Variants in AKNA observed in about 807,000 individuals in gnomAD.
AKNA encodes AT-hook transcription factor, also known as microtubule organization protein AKNA.
A neutral mutation model predicts 138.8 loss-of-function variants in AKNA; 67 were observed. The ratio of observed to expected loss-of-function variants is 0.48; its 90% CI spans 0.40 to 0.59. The LOEUF (loss-of-function observed/expected upper bound fraction) is 0.59, where lower values mean the gene tolerates loss of function less well. Among genes scored for constraint, AKNA ranks in the 20% least tolerant of loss-of-function variants. The pLI is 0.00. For synonymous variants in AKNA, 737 were observed against 754.4 expected, an observed-to-expected ratio of 0.98 and a Z score of 0.38; for missense variants, 1,813 against 1,880.4, an observed-to-expected ratio of 0.96 and a Z score of 0.66.
chr9:114,337,012 T>TTGGGGGGGGGGGCGG lies in AKNA; in HGVS notation c.*41_*42insCCGCCCCCCCCCCCA. On this transcript the variant is annotated 3_prime_UTR_variant, in exon 22 of 22. Transcript: ENST00000374088. Reference sequence around the variant, plus strand: ...CCCACTCCTGGCCTGGCAGGCCACCTGCCCACCCACCCACCCATCTGCCTC... The same window carrying TTGGGGGGGGGGGCGG: ...CCCACTCCTGGCCTGGCAGGCCACCTTGGGGGGGGGGGCGGGCCCACCCACCCACCCATCTGCCTC... 8.3e-7 allele frequency: 1 copy of TTGGGGGGGGGGGCGG among 1,208,224 alleles called. No homozygotes were observed. The highest frequency in any genetic ancestry group is 1.1e-6 in the Non-Finnish European group (1 of 929,350). 74.8% of individuals were successfully genotyped at this position (1,208,224 alleles called of 1,614,324 possible).
chr9:114,342,112 T>A lies in AKNA; in HGVS notation c.3771A>T (p.Thr1257=). The change falls in exon 20 of 22, where the codon ACA becomes ACT. Residue 1257 remains threonine (T), a synonymous_variant. Transcript: ENST00000374088. ...CGGGAGGCGGTCCCAGTGGGTCCCC[T>A]GTGACAGCACCACCTAGAAGAGGAG... ...IRTQDAGGAV[T]GDPLGPPPAD... is the part of the protein sequence containing the mutation. The A allele has an allele frequency of 6.3e-7, 1 of 1,599,398 alleles. No homozygotes were observed. Among genetic ancestry groups the A allele is most frequent in the Non-Finnish European group, 8.5e-7 (1 of 1,174,034 alleles).
In AKNA at chr9:114,367,670, C is replaced by T. The variant is rs779731854; in HGVS notation, c.1601G>A (p.Ser534Asn). The change falls in exon 6 of 22, where the codon AGC (serine) becomes AAC (asparagine). Residue 534 changes from serine (S) to asparagine (N), a missense_variant. Transcript: ENST00000374088. ...GGGCATGCTGGTAAGCGAGGAGGGG[C>T]TCAAGTCTCCTCGAGCTGATGGCCA... ...SGWPSARGDL[S>N]PSSLTSMPTL... 7 of 1,586,388 alleles carry T rather than the reference C, an allele frequency of 4.4e-6. No individual in the cohort carries two copies. Among genetic ancestry groups the T allele is most frequent in the Non-Finnish European group, 6.0e-6 (7 of 1,160,750 alleles).
At position 114,394,028 on chromosome 9, in the gene AKNA, C is replaced by G. The variant is rs1204255393; in HGVS notation, c.-114+329G>C. ...TCTCTACTAAAAATACAAAAATTAG[C>G]TGGGTGTGGTGACGTGCACCTGTAA... On this transcript the variant is annotated intron_variant, in intron 1 of 21. Coordinates refer to the AKNA transcript ENST00000307564. Among the ~76,000 whole-genome samples the G allele has an allele frequency of 2.0e-5, 3 of 152,040 alleles. No homozygotes were observed. The East Asian group carries it at 5.8e-4, about 29-fold the overall frequency.
At position 114,361,695 on chromosome 9, in the gene AKNA, A is replaced by G. The variant is rs759146329; in HGVS notation, c.2124+9T>C. ...GGGAACAGCCCAATATGGTTGAGCCAAGAGGTACCTCAGGGCAGGAGGTCT... is the reference window on the plus strand; with the variant it reads ...GGGAACAGCCCAATATGGTTGAGCCGAGAGGTACCTCAGGGCAGGAGGTCT... On this transcript the variant is annotated intron_variant, in intron 9 of 21. Transcript: ENST00000374088. 9.9e-6 allele frequency: 16 copies of G among 1,612,678 alleles called. No homozygotes were observed. Among genetic ancestry groups the G allele is most frequent in the Non-Finnish European group, 1.3e-5 (15 of 1,179,914 alleles).
chr9:114,385,722 T>C (rs2132122259), intron 1 of AKNA, among the ~76,000 whole-genome samples: 1 of 152,282 alleles, frequency 6.6e-6, no homozygotes, highest in Admixed American at 6.5e-5. Context: ...CAGTGAGCCT[T>C]TCCTGAGCCA....
chr9:114,383,824 G>C (rs558733303), intron 1 of AKNA, among the ~76,000 whole-genome samples: 2 of 152,316 alleles, frequency 1.3e-5, no homozygotes, highest in East Asian at 3.9e-4. Flanking sequence ...CTGGAGGAGG[G>C]AGGTGCAGGG....
chr9:114,364,467 T>A, intron 7 of AKNA, 93 bp downstream of exon 7: 1 of 1,339,644 alleles, frequency 7.5e-7, no homozygotes, highest in East Asian at 2.3e-5. Context: ...GATTCTCTTT[T>A]CTGTCTTGCA....
At chr9:114,330,734 T>C (rs1053858742), downstream of AKNA, 21 of 1,600,346 alleles carry the variant, frequency 1.3e-5, no homozygotes, top group Middle Eastern at 1.6e-4. Flanking sequence ...TGATGGGCGA[T>C]TGGCCACTTC....
intron 21 of AKNA, 43 bp from the exon 22 acceptor site, chr9:114,337,349 TGG>T: frequency 1.4e-6 from 2 of 1,392,744 alleles, no homozygotes; most frequent in African/African-American, 2.9e-5. Context: ...TGGGGAGGGC[TGG>T]GGACAAGCCG....
intron 14 of AKNA, among the ~76,000 whole-genome samples, chr9:114,353,254 A>AT (rs1320379986): frequency 6.0e-5 from 7 of 117,532 alleles, no homozygotes; most frequent in East Asian, 2.3e-4. Flanking sequence ...AAATGATCTT[A>AT]TTTTTTGTTT....
chr9:114,358,279 C>A (rs975775703), intron 11 of AKNA, 112 bp from the exon 12 acceptor site: 1 of 1,449,668 alleles, frequency 6.9e-7, no homozygotes, highest in African/African-American at 1.4e-5. Flanking sequence ...AGTCAGACAT[C>A]CCTGGCTGCC....
intron 2 of AKNA, among the ~76,000 whole-genome samples, chr9:114,380,857 C>CCTGT (rs1469522853): frequency 1.3e-5 from 2 of 151,400 alleles, no homozygotes; most frequent in Non-Finnish European, 2.9e-5. Flanking sequence ...GTGGCGCATG[C>CCTGT]CTGTAATCCC....
chr9:114,337,193 T>C lies in AKNA; in HGVS notation c.4181A>G (p.Asp1394Gly), dbSNP rs1409813589. 2 of 1,599,066 alleles carry C rather than the reference T, an allele frequency of 1.3e-6. No homozygotes were observed. The highest frequency in any genetic ancestry group is 3.4e-5 in the Admixed American group (2 of 59,314). Residue 1394 changes from aspartate (D) to glycine (G), a missense_variant, in exon 22 of 22, where the codon GAC (aspartate) becomes GGC (glycine). Coordinates refer to ENST00000374088, the MANE Select transcript of AKNA (RefSeq NM_001317950.2). The part of the protein sequence containing the change: ...HRHSIQLDLG[D>G]LEELNKALSR... ...CAGGGCCTTGTTGAGCTCCTCTAGGTCGCCCAGGTCGAGCTGGATGGAGTG... is the reference window on the plus strand; with the variant it reads ...CAGGGCCTTGTTGAGCTCCTCTAGGCCGCCCAGGTCGAGCTGGATGGAGTG...
chr9:114,331,289 C>T (rs749969155), downstream of AKNA, among the ~76,000 whole-genome samples: 5 of 152,054 alleles, frequency 3.3e-5, no homozygotes, highest in Non-Finnish European at 7.4e-5. Flanking sequence ...TTTAGCATCC[C>T]GAGCCTCCTC....
chr9:114,378,231 G>A (rs1253764900), intron 2 of AKNA, among the ~76,000 whole-genome samples: 1 of 152,130 alleles, frequency 6.6e-6, no homozygotes, highest in African/African-American at 2.4e-5. Context: ...CTCTGCCGAG[G>A]GATTCTCTCC....
chr9:114,360,605 C>A (rs1279102181), intron 9 of AKNA, among the ~76,000 whole-genome samples: 1 of 152,092 alleles, frequency 6.6e-6, no homozygotes, highest in Admixed American at 6.6e-5. Context: ...GAGCACAGCA[C>A]AAGATTTTCC....
intron 5 of AKNA, 105 bp from the exon 6 acceptor site, chr9:114,367,802 C>T (rs1832473680): frequency 7.7e-7 from 1 of 1,306,328 alleles, no homozygotes; most frequent in African/African-American, 1.5e-5. Context: ...CAAGTTATAG[C>T]TCAGTCACCA....
chr9:114,397,447 T>C (rs1223397563), upstream of AKNA, among the ~76,000 whole-genome samples: 2 of 152,242 alleles, frequency 1.3e-5, no homozygotes, highest in East Asian at 1.9e-4. Context: ...GAACAATGTC[T>C]CTTTTCACTG....
chr9:114,357,387 A>G (rs1280475352), intron 12 of AKNA, among the ~76,000 whole-genome samples: 1 of 152,230 alleles, frequency 6.6e-6, no homozygotes, highest in Non-Finnish European at 1.5e-5. Context: ...TCAAATATGT[A>G]CAGGTCCTAC....
Sources: allele counts gnomAD v4.1 joint callset (sites outside exome capture counted in the v4.1 genomes callset), GRCh38; gene constraint gnomAD v4.1.1; transcripts MANE v1.5; gene names NCBI Gene and HGNC (gene_info 2026-07-23, HGNC 2026-07-21).